Variants in GRIP2 observed in about 807,000 individuals in gnomAD.
The protein encoded by GRIP2 is glutamate receptor-interacting protein 2.
A neutral mutation model predicts 108.3 loss-of-function variants in GRIP2; 58 were observed. The ratio of observed to expected loss-of-function variants is 0.54; its 90% CI spans 0.43 to 0.67. GRIP2 has a LOEUF of 0.67. Ranked by LOEUF, GRIP2 falls within the 30% of genes least tolerant of loss-of-function variation. GRIP2 has a pLI of 0.00. For missense variants in GRIP2, 1,278 were observed against 1,430.6 expected (o/e 0.89, Z 1.72); for synonymous variants, 586 against 598.2 (o/e 0.98, Z 0.30).
intron 1 of GRIP2, among the ~76,000 whole-genome samples, chr3:14,549,141 AGAAT>A (rs754700142): frequency 2.0e-5 from 3 of 152,384 alleles, no homozygotes; most frequent in South Asian, 4.1e-4. Context: ...AAGTGTTTGC[AGAAT>A]GAATGAATGA....
chr3:14,551,967 A>G (rs1188220584), intron 1 of GRIP2, among the ~76,000 whole-genome samples: 1 of 152,158 alleles, frequency 6.6e-6, no homozygotes, highest in African/African-American at 2.4e-5. Flanking sequence ...TGCTCAATAA[A>G]TGCTTGGGAA....
In GRIP2 at chr3:14,538,025, T is replaced by G. The variant is rs1397384669; in HGVS notation, c.40+2244A>C. ...GTCCCTTCCTGCCAGAACTCTGGGGTTAGTGACAGGAAAGCAAGACTCCCT... is the reference window on the plus strand; with the variant it reads ...GTCCCTTCCTGCCAGAACTCTGGGGGTAGTGACAGGAAAGCAAGACTCCCT... On this transcript the variant is annotated intron_variant, in intron 1 of 23. Coordinates refer to ENST00000621039, the MANE Select transcript of GRIP2 (RefSeq NM_001080423.4). Among the ~76,000 whole-genome samples, 3 of 151,996 alleles carry G rather than the reference T, an allele frequency of 2.0e-5. No individual in the cohort carries two copies. The East Asian group carries it at 5.8e-4, about 29-fold the overall frequency.
chr3:14,601,045 C>T, the GRIP2 span, among the ~76,000 whole-genome samples: 20 of 151,280 alleles, frequency 1.3e-4, no homozygotes, highest in African/African-American at 3.9e-4. Flanking sequence ...ACCATCCACC[C>T]GCCTCACCCA....
chr3:14,506,458 T>C lies in GRIP2; in HGVS notation c.2398+343A>G, dbSNP rs1276663998. On this transcript the variant is annotated intron_variant, in intron 19 of 23. Coordinates refer to ENST00000621039, the MANE Select transcript of GRIP2 (RefSeq NM_001080423.4). ...TTTCAACTGGATGGAATGAACATTGTTGAGCACCTACTGTGTGCCAGACAT... is the reference window on the plus strand; with the variant it reads ...TTTCAACTGGATGGAATGAACATTGCTGAGCACCTACTGTGTGCCAGACAT... Among the ~76,000 whole-genome samples, 9 of 152,188 alleles carry C rather than the reference T, an allele frequency of 5.9e-5. No homozygotes were observed. The East Asian group carries it at 1.5e-3, about 26-fold the overall frequency.
rs1017417758 is a variant in GRIP2 at position 14,511,636 on chromosome 3, C to A, written c.1721-157G>T. Among the ~76,000 whole-genome samples the A allele has an allele frequency of 2.0e-5, 3 of 152,212 alleles. No homozygotes were observed. Among genetic ancestry groups the A allele is most frequent in the African/African-American group, 7.2e-5 (3 of 41,444 alleles). Reference sequence around the variant, plus strand: ...GGGTGACCGTGAGCAAATCAGCTCACCTCCCTGTGCATCAGTTTCCCCCCT... The same window carrying A: ...GGGTGACCGTGAGCAAATCAGCTCAACTCCCTGTGCATCAGTTTCCCCCCT... On this transcript the variant is annotated intron_variant, in intron 14 of 23. Coordinates refer to ENST00000621039, the MANE Select transcript of GRIP2 (RefSeq NM_001080423.4). This position sits in a 1 kb window ranked among gnomAD's most constrained non-coding sequence, Gnocchi z 4.1.
Position 14,507,061 on chromosome 3 carries a change from G to A in GRIP2, c.2219-81C>T. 3 of 1,339,794 alleles carry A rather than the reference G, an allele frequency of 2.2e-6. No homozygotes were observed. Among genetic ancestry groups the A allele is most frequent in the Non-Finnish European group, 3.1e-6 (3 of 974,722 alleles). 83.0% of individuals were successfully genotyped at this position (1,339,794 alleles called of 1,614,324 possible). A position where few individuals can be genotyped will look rare whatever the true frequency, so the allele number is the denominator to read the frequency against. On this transcript the variant is annotated intron_variant, in intron 18 of 23. Coordinates refer to ENST00000621039, the MANE Select transcript of GRIP2 (RefSeq NM_001080423.4). This position sits in a 1 kb window ranked among gnomAD's most constrained non-coding sequence, Gnocchi z 4.6. Reference sequence around the variant, plus strand: ...AGTTTCTGCATTTCAGCCTGGTCTGGAAACTCACAGGCAGTAAGCCCTTCT... The same window carrying A: ...AGTTTCTGCATTTCAGCCTGGTCTGAAAACTCACAGGCAGTAAGCCCTTCT...
At chr3:14,576,216 C>T in the GRIP2 span, among the ~76,000 whole-genome samples, 7 of 152,252 alleles carry the variant, frequency 4.6e-5, no homozygotes, top group Admixed American at 3.3e-4. Flanking sequence ...GGTGGGCTGA[C>T]AGTGAGCACA....
chr3:14,573,254 G>T, the GRIP2 span: 1 of 1,406,394 alleles, frequency 7.1e-7, no homozygotes, highest in Non-Finnish European at 1.0e-6. Context: ...CAAACTGGGA[G>T]CCAGCTGGAA....
the GRIP2 span, among the ~76,000 whole-genome samples, chr3:14,589,121 T>C: frequency 6.6e-6 from 1 of 152,216 alleles, no homozygotes; most frequent in Non-Finnish European, 1.5e-5. Context: ...ACAGCCTTCT[T>C]GGGGAGCCAT....
intron 1 of GRIP2, among the ~76,000 whole-genome samples, chr3:14,537,113 G>A (rs1237338194): frequency 6.6e-6 from 1 of 152,188 alleles, no homozygotes; most frequent in African/African-American, 2.4e-5. Flanking sequence ...CTTGGCAACT[G>A]CACTCTAAAG....
chr3:14,518,595 GC>G (rs886332493), intron 9 of GRIP2, among the ~76,000 whole-genome samples: 1 of 152,072 alleles, frequency 6.6e-6, no homozygotes, highest in Non-Finnish European at 1.5e-5. Context: ...CTCCAAACTG[GC>G]CACCATACAA....
At chr3:14,571,248 A>G in the GRIP2 span, among the ~76,000 whole-genome samples, 1 of 152,054 alleles carries the variant, frequency 6.6e-6, no homozygotes, top group Admixed American at 6.5e-5. Flanking sequence ...GCTTTACTCC[A>G]GGCCCACCTT....
intron 1 of GRIP2, among the ~76,000 whole-genome samples, chr3:14,549,417 G>C (rs1021456327): frequency 6.6e-6 from 1 of 152,214 alleles, no homozygotes; most frequent in Non-Finnish European, 1.5e-5. Context: ...TGGCCTCTGA[G>C]CCCTGGCAGG....
At chr3:14,595,072 T>C in the GRIP2 span, among the ~76,000 whole-genome samples, 1 of 151,764 alleles carries the variant, frequency 6.6e-6, no homozygotes, top group African/African-American at 2.4e-5. Flanking sequence ...AATTTTTGTA[T>C]TTTTTTGTAG....
chr3:14,529,037 A>C (rs1694636997), intron 1 of GRIP2, among the ~76,000 whole-genome samples: 1 of 151,462 alleles, frequency 6.6e-6, no homozygotes, highest in African/African-American at 2.4e-5. Context: ...TTGGGAGGCC[A>C]AAGGGGGCGG....
Position 14,527,414 on chromosome 3 carries a change from G to GGAAAGGAA in GRIP2, c.41-1484_41-1483insTTCCTTTC, listed in dbSNP as rs1392008435. Among the ~76,000 whole-genome samples, 10 of 71,076 alleles carry GGAAAGGAA rather than the reference G, an allele frequency of 1.4e-4. No individual in the cohort carries two copies. The East Asian group carries it at 3.3e-3, about 24-fold the overall frequency. 46.6% of individuals were successfully genotyped at this position (71,076 alleles called of 152,430 possible). On this transcript the variant is annotated intron_variant, in intron 1 of 23. Transcript: ENST00000621039. ...AAAGAAAGGAAAGGAAAGAAGGAAA[G>GGAAAGGAA]CGAGGGGAGGGGAGGGGAGGGGAGG...
In GRIP2 at chr3:14,540,213, A is replaced by G; in HGVS notation, c.40+56T>C. ...TCCCCTCTCTCTGGGCAGCAGCTCCAGAGGGATCTATGTGTTCAGCCCCAT... is the reference window on the plus strand; with the variant it reads ...TCCCCTCTCTCTGGGCAGCAGCTCCGGAGGGATCTATGTGTTCAGCCCCAT... On this transcript the variant is annotated intron_variant, in intron 1 of 23. Coordinates refer to ENST00000621039, the MANE Select transcript of GRIP2 (RefSeq NM_001080423.4). This position sits in a 1 kb window ranked among gnomAD's most constrained non-coding sequence, Gnocchi z 4.1. 1.3e-6 allele frequency: 2 copies of G among 1,590,360 alleles called. No individual in the cohort carries two copies. Among genetic ancestry groups the G allele is most frequent in the Middle Eastern group, 1.7e-4 (1 of 5,980 alleles).
chr3:14,557,398 G>T (rs1045865106), upstream of GRIP2, among the ~76,000 whole-genome samples: 1 of 152,202 alleles, frequency 6.6e-6, no homozygotes, highest in African/African-American at 2.4e-5. Context: ...GACAGAGCAG[G>T]CTCCAGGCTC....
upstream of GRIP2, among the ~76,000 whole-genome samples, chr3:14,557,357 T>C (rs1309841993): frequency 2.6e-5 from 4 of 152,216 alleles, no homozygotes; most frequent in Non-Finnish European, 4.4e-5. Context: ...ACTACCTCCC[T>C]GAAACTTGCA....
Sources: gnomAD v4.1 joint callset for allele counts (sites outside exome capture counted in the v4.1 genomes callset) on GRCh38, gnomAD v4.1.1 for gene constraint, Gnocchi (gnomAD v3.1) non-coding constraint, MANE v1.5 for transcripts, NCBI Gene and HGNC (gene_info 2026-07-23, HGNC 2026-07-21) for gene names.